The following OSBPL6 variants were observed in gnomAD, a reference collection of about 807,000 sequenced individuals.
The protein encoded by OSBPL6 is oxysterol-binding protein-related protein 6.
OSBPL6 carries 49 observed loss-of-function variants against 125.8 expected under a neutral mutation model. The observed-to-expected ratio is 0.39, with a 90% confidence interval of 0.31 to 0.49. The LOEUF (loss-of-function observed/expected upper bound fraction) is 0.49. Among genes scored for constraint, OSBPL6 ranks in the 20% least tolerant of loss-of-function variants. OSBPL6 has a pLI of 0.88. For missense variants in OSBPL6, 986 were observed against 1,135.4 expected (o/e 0.87, Z 1.89); for synonymous variants, 394 against 391.8 (o/e 1.01, Z -0.07).
intron 23 of OSBPL6, among the ~76,000 whole-genome samples, chr2:178,392,808 C>T (rs1695526372): frequency 6.8e-6 from 1 of 147,676 alleles, no homozygotes; most frequent in Non-Finnish European, 1.5e-5. Flanking sequence ...CCACAGTGAG[C>T]TATGATTGTA....
chr2:178,194,958 C>A (rs1174392093), intron 1 of OSBPL6, among the ~76,000 whole-genome samples: 1 of 152,172 alleles, frequency 6.6e-6, no homozygotes, highest in Non-Finnish European at 1.5e-5. Flanking sequence ...CCCTCCCCCT[C>A]GTTGCCAGGG....
chr2:178,353,648 T>C (rs776104260), intron 12 of OSBPL6, among the ~76,000 whole-genome samples: 1 of 152,160 alleles, frequency 6.6e-6, no homozygotes, highest in Non-Finnish European at 1.5e-5. Context: ...GATGGGGTAA[T>C]TGAACCAAGT....
At chr2:178,379,253 A>G (rs905744125) in intron 15 of OSBPL6, among the ~76,000 whole-genome samples, 13 of 148,664 alleles carry the variant, frequency 8.7e-5, no homozygotes, top group South Asian at 2.2e-4. Context: ...GAGAGAGAGA[A>G]AGAAAAACAA....
intron 1 of OSBPL6, among the ~76,000 whole-genome samples, chr2:178,264,826 C>T (rs376340688): frequency 1.1e-4 from 17 of 151,948 alleles, no homozygotes; most frequent in East Asian, 1.9e-4. Flanking sequence ...TAAAAATTCA[C>T]GTGTGTTTCT....
At chr2:178,344,264 C>T (rs769724802) in intron 11 of OSBPL6, 2 of 1,606,920 alleles carry the variant, frequency 1.2e-6, no homozygotes, top group Non-Finnish European at 1.7e-6. Context: ...GTTTCCTCCC[C>T]TCTTCTCCCA....
intron 13 of OSBPL6, 46 bp from the exon 14 acceptor site, chr2:178,372,080 T>C: frequency 7.1e-7 from 1 of 1,405,990 alleles, no homozygotes; most frequent in Non-Finnish European, 1.0e-6. Context: ...TGTTTTATGC[T>C]TGCTTATTAA....
chr2:178,276,379 T>G (rs905138039), intron 1 of OSBPL6, among the ~76,000 whole-genome samples: 1 of 149,862 alleles, frequency 6.7e-6, no homozygotes, highest in Non-Finnish European at 1.5e-5. Flanking sequence ...TGGTTTTTTT[T>G]TTTTTTTTTT....
rs60637225 is a variant in OSBPL6, at chr2:178,294,656, A to G, written c.-156+9535A>G. ...CCTCAATTTATGATGAGATTAACCT[A>G]TCATAAAGTCGGAAAATTCTAAGTC... On this transcript the variant is annotated intron_variant, in intron 2 of 24. Transcript: ENST00000190611. Among the ~76,000 whole-genome samples the G allele has an allele frequency of 1.4e-4, 22 of 151,960 alleles. No individual in the cohort carries two copies. In the East Asian group the frequency reaches 4.3e-3, roughly 29 times the overall value.
At chr2:178,273,261 T>G (rs1443043907) in intron 1 of OSBPL6, among the ~76,000 whole-genome samples, 1 of 152,154 alleles carries the variant, frequency 6.6e-6, no homozygotes. Flanking sequence ...AATTTCGGCT[T>G]TATTCTGTCT....
At chr2:178,278,293 C>T (rs2154028869) in intron 1 of OSBPL6, among the ~76,000 whole-genome samples, 1 of 152,326 alleles carries the variant, frequency 6.6e-6, no homozygotes, top group East Asian at 1.9e-4. Context: ...AAAAAGATTA[C>T]TCACATACCT....
At chr2:178,247,003 C>T (rs1214882262) in intron 1 of OSBPL6, among the ~76,000 whole-genome samples, 1 of 106,490 alleles carries the variant, frequency 9.4e-6, no homozygotes, top group African/African-American at 5.2e-5. Context: ...CTCCCTGTAA[C>T]CTGCCCCTCC....
At position 178,195,598 on chromosome 2, in the gene OSBPL6, A is replaced by G. The variant is rs552595628; in HGVS notation, c.-351+924A>G. On this transcript the variant is annotated intron_variant, in intron 1 of 24. Coordinates refer to ENST00000190611, the MANE Select transcript of OSBPL6 (RefSeq NM_032523.4). ...TTGTGACAATTCTATGATATACCTG[A>G]ACGGTTGCTTAAACATAGAGACCTA... Among the ~76,000 whole-genome samples the G allele has an allele frequency of 2.6e-5, 4 of 152,362 alleles. No homozygotes were observed. The South Asian group carries it at 6.2e-4, about 24-fold the overall frequency.
chr2:178,217,596 C>T lies in OSBPL6; in HGVS notation c.-351+22922C>T, dbSNP rs568213990. On this transcript the variant is annotated intron_variant, in intron 1 of 24. Transcript: ENST00000190611. ...AAAGGACCAGCAGGTGGTGAATGTG[C>T]CTGATTTTATAGTCAGGTTTGAGGA... Among the ~76,000 whole-genome samples the T allele has an allele frequency of 5.9e-5, 9 of 152,256 alleles. 1 individual carries two copies. In the South Asian group the frequency reaches 1.9e-3, roughly 32 times the overall value.
At chr2:178,315,406 C>A (rs1687647802) in intron 3 of OSBPL6, among the ~76,000 whole-genome samples, 1 of 152,172 alleles carries the variant, frequency 6.6e-6, no homozygotes, top group South Asian at 2.1e-4. Flanking sequence ...GTGTGTGTAG[C>A]TTTAAGACAG....
chr2:178,224,985 C>T (rs1008685055), intron 1 of OSBPL6, among the ~76,000 whole-genome samples: 1 of 138,856 alleles, frequency 7.2e-6, no homozygotes, highest in African/African-American at 2.8e-5. Flanking sequence ...TTATCTCTCT[C>T]TGCTTCTCTC....
chr2:178,356,976 C>T (rs1691851639), intron 12 of OSBPL6, among the ~76,000 whole-genome samples: 1 of 152,196 alleles, frequency 6.6e-6, no homozygotes, highest in African/African-American at 2.4e-5. Context: ...CTGACAAAAA[C>T]AAGCAATGGA....
At chr2:178,288,280 C>T (rs1373188666) in intron 2 of OSBPL6, among the ~76,000 whole-genome samples, 1 of 152,118 alleles carries the variant, frequency 6.6e-6, no homozygotes, top group East Asian at 1.9e-4. Context: ...AAGTAGCAGG[C>T]CAGTAGCCAC....
Position 178,384,025 on chromosome 2 carries a change from C to A in OSBPL6, c.1876-14C>A. ...CTCTCCTATATTATTCCCTTTTCTT[C>A]AATGTTTTAACAGGTTCTCGTTGCC... is the stretch of plus-strand genomic sequence containing the variant. On this transcript the variant is annotated splice_polypyrimidine_tract_variant and intron_variant, in intron 17 of 24. Coordinates refer to ENST00000190611, the MANE Select transcript of OSBPL6 (RefSeq NM_032523.4). 6.2e-7 allele frequency: 1 copy of A among 1,612,032 alleles called. No homozygotes were observed. The highest frequency in any genetic ancestry group is 8.5e-7 in the Non-Finnish European group (1 of 1,178,256).
intron 12 of OSBPL6, among the ~76,000 whole-genome samples, chr2:178,357,074 T>C (rs966837752): frequency 1.3e-5 from 2 of 152,164 alleles, no homozygotes; most frequent in African/African-American, 4.8e-5. Flanking sequence ...TTACACCTTA[T>C]ACAAAAATTA....
Sources: allele counts gnomAD v4.1 joint callset (sites outside exome capture counted in the v4.1 genomes callset), GRCh38; gene constraint gnomAD v4.1.1; transcripts MANE v1.5; gene names NCBI Gene and HGNC (gene_info 2026-07-23, HGNC 2026-07-21).